Variants in AKAP9 observed in about 807,000 individuals in gnomAD.
The protein encoded by AKAP9 is A-kinase anchor protein 9.
Under a neutral mutation model 488.5 loss-of-function variants are expected in AKAP9, and 311 were observed. The ratio of observed to expected loss-of-function variants is 0.64; its 90% CI spans 0.58 to 0.70. The LOEUF is 0.70. Among genes scored for constraint, AKAP9 ranks in the 30% least tolerant of loss-of-function variants. The probability of loss-of-function intolerance (pLI) is 0.00; values close to 1 mark genes in which losing one functional copy is unlikely to be tolerated. For missense variants in AKAP9, 4,215 were observed against 4,374.5 expected (o/e 0.96, Z 1.03); for synonymous variants, 1,462 against 1,483.5 (o/e 0.99, Z 0.33).
intron 14 of AKAP9, among the ~76,000 whole-genome samples, chr7:92,025,385 T>A (rs1484423895): frequency 6.6e-6 from 1 of 152,222 alleles, no homozygotes; most frequent in Non-Finnish European, 1.5e-5. Context: ...ATCATTCGTT[T>A]GCTCCCTGCA....
chr7:92,050,471 TA>T (rs1807790605), intron 21 of AKAP9, among the ~76,000 whole-genome samples: 1 of 152,122 alleles, frequency 6.6e-6, no homozygotes, highest in Non-Finnish European at 1.5e-5. Context: ...TCAAGGCTGG[TA>T]AACACAGGAG....
At chr7:92,078,956 G>A in intron 30 of AKAP9, 123 bp from the exon 31 acceptor site, 1 of 618,448 alleles carries the variant, frequency 1.6e-6, no homozygotes, top group Non-Finnish European at 2.8e-6. Context: ...TAGTATGTCT[G>A]AGAAGTAGTG....
rs769042540 is a variant in AKAP9 at position 92,083,515 on chromosome 7, G to A, written c.8506G>A (p.Ala2836Thr). The A allele has an allele frequency of 6.2e-7, 1 of 1,606,594 alleles. No homozygotes were observed. The highest frequency in any genetic ancestry group is 1.1e-5 in the South Asian group (1 of 89,642). ...EKIEKMQELH[A>T]AEILDMESRH... is the part of the protein sequence containing the mutation. ...AATTGAGAAGATGCAAGAACTACAT[G>A]CTGCTGAAATTTTGGACATGGAATC... Residue 2836 changes from alanine to threonine, a missense_variant, in exon 33 of 50, where the codon GCT becomes ACT. Ala to Thr is a moderately conservative substitution (Grantham distance 58, BLOSUM62 0). This residue lies in a region of AKAP9 where 1,476 missense variants were observed against 1,477.4 expected (regional missense o/e 1.00). Transcript: ENST00000356239.
chr7:92,024,584 A>G (rs1416136216), intron 14 of AKAP9, among the ~76,000 whole-genome samples: 1 of 152,076 alleles, frequency 6.6e-6, no homozygotes, highest in African/African-American at 2.4e-5. Context: ...GGTCAGTGAT[A>G]TATCACAAAC....
At chr7:91,965,750 G>A (rs1276255588) in intron 1 of AKAP9, among the ~76,000 whole-genome samples, 2 of 152,124 alleles carry the variant, frequency 1.3e-5, no homozygotes, top group Non-Finnish European at 2.9e-5. Flanking sequence ...AATATATCGT[G>A]GTGGTTTTGA....
Position 91,944,939 on chromosome 7 carries a change from C to T in AKAP9, c.48+3792C>T, listed in dbSNP as rs541959380. ...GCTTATTCTTTCCTTGCTGTTAGTT[C>T]GTATTGCTATGGGCATGCTCTTACT... On this transcript the variant is annotated intron_variant, in intron 1 of 49. Transcript: ENST00000356239. Among the ~76,000 whole-genome samples the T allele has an allele frequency of 4.6e-5, 7 of 152,252 alleles. No homozygotes were observed. The East Asian group carries it at 9.6e-4, about 21-fold the overall frequency.
Position 92,066,364 on chromosome 7 carries a change from GAAAT to G in AKAP9, c.6211-60_6211-57del, listed in dbSNP as rs931569799. ...TAACATATCTCTAAAGGAGAAGTAA[GAAAT>G]AATAGCTTCTCTAAATACTGTTTCT... On this transcript the variant is annotated intron_variant, in intron 25 of 49. Transcript: ENST00000356239. 1.9e-6 allele frequency: 3 copies of G among 1,588,466 alleles called. No individual in the cohort carries two copies. In the African/African-American group the frequency reaches 4.0e-5, roughly 21 times the overall value.
At chr7:91,958,782 C>T (rs1470317632) in intron 1 of AKAP9, among the ~76,000 whole-genome samples, 1 of 152,082 alleles carries the variant, frequency 6.6e-6, no homozygotes, top group East Asian at 1.9e-4. Context: ...TAAAACGTTA[C>T]TTAAATCTTA....
At chr7:92,081,493 A>ATT (rs202196637) in intron 31 of AKAP9, among the ~76,000 whole-genome samples, 31,939 of 119,580 alleles carry the variant, frequency 0.27, 4,518 homozygotes, top group Non-Finnish European at 0.31. Flanking sequence ...ATATATATAT[A>ATT]TATATTTTTT....
rs147659676 is a variant in AKAP9, at chr7:91,997,434, G to A, written c.930+1634G>A. Among the ~76,000 whole-genome samples, 3 of 152,272 alleles carry A rather than the reference G, an allele frequency of 2.0e-5. No individual in the cohort carries two copies. In the East Asian group the frequency reaches 5.8e-4, roughly 29 times the overall value. On this transcript the variant is annotated intron_variant, in intron 7 of 49. Transcript: ENST00000356239. ...TGGGACAACTTTTTAATTGTATTTT[G>A]TTTCCCCAACAATTGGCCTAATGCC... is the stretch of plus-strand genomic sequence containing the variant.
intron 1 of AKAP9, among the ~76,000 whole-genome samples, chr7:91,971,988 T>TTTC (rs2130555950): frequency 1.4e-5 from 2 of 144,300 alleles, no homozygotes; most frequent in South Asian, 4.4e-4. Flanking sequence ...CTCTCTTTTT[T>TTTC]TTTTTTTTTT....
chr7:91,985,442 C>T (rs1250841085), intron 3 of AKAP9, among the ~76,000 whole-genome samples: 3 of 151,792 alleles, frequency 2.0e-5, no homozygotes, highest in African/African-American at 4.8e-5. Context: ...TTTGAACCAG[C>T]CTTGCAGCCT....
Position 92,003,209 on chromosome 7 carries a change from G to T in AKAP9, c.3292G>T (p.Glu1098Ter). ...AAGTGAAAATGATAAACTTCAGAAA[G>T]AACTCAATGTACTTAAATCAGAACA... ...QPSENDKLQKELNVLKSEQND... is the reference protein window; with the variant it reads ...QPSENDKLQK The change falls in exon 8 of 50, where the codon GAA (glutamate) becomes TAA (stop). Residue 1098 changes from glutamate (E) to a stop codon, truncating the protein, a stop_gained. Coordinates refer to ENST00000356239, the MANE Select transcript of AKAP9 (RefSeq NM_005751.5). LOFTEE classifies it high-confidence loss of function. 1 of 1,606,298 alleles carries T rather than the reference G, an allele frequency of 6.2e-7. No individual in the cohort carries two copies. The highest frequency in any genetic ancestry group is 1.1e-5 in the South Asian group (1 of 90,426).
chr7:92,095,076 C>T lies in AKAP9; in HGVS notation c.9632C>T (p.Ala3211Val), dbSNP rs1816331705. Residue 3211 changes from alanine to valine, a missense_variant, in exon 40 of 50, where the codon GCA (alanine) becomes GTA (valine). By Grantham distance (64) the Ala-to-Val change is moderately conservative. Transcript: ENST00000356239. ...DEVHLLNDTL[A>V]SEQKKSRELQ... Reference sequence around the variant, plus strand: ...GTACATTTGCTTAATGACACATTAGCAAGTGAACAGAAAAAATCAAGAGAG... The same window carrying T: ...GTACATTTGCTTAATGACACATTAGTAAGTGAACAGAAAAAATCAAGAGAG... The T allele has an allele frequency of 2.5e-6, 4 of 1,614,004 alleles. No individual in the cohort carries two copies. The highest frequency in any genetic ancestry group is 3.4e-6 in the Non-Finnish European group (4 of 1,179,940).
Position 92,038,569 on chromosome 7 carries a change from C to T in AKAP9, c.4489C>T (p.Gln1497Ter). 1 of 1,613,758 alleles carries T rather than the reference C, an allele frequency of 6.2e-7. No homozygotes were observed. The highest frequency in any genetic ancestry group is 8.5e-7 in the Non-Finnish European group (1 of 1,179,868). ...YFNEMKLSQD[Q>*]IGFQTFETVD... is the part of the protein sequence containing the mutation. The stretch of plus-strand genomic sequence containing the variant: ...TAATGAAATGAAATTATCACAGGAT[C>T]AAATTGGTTTTCAGACTTTTGAGAC... The change falls in exon 17 of 50, where the codon CAA becomes TAA. Residue 1497 changes from glutamine to a stop codon, truncating the protein, a stop_gained. Transcript: ENST00000356239. LOFTEE classifies it high-confidence loss of function.
intron 26 of AKAP9, among the ~76,000 whole-genome samples, chr7:92,068,399 T>C (rs145620039): frequency 6.7e-6 from 1 of 149,866 alleles, no homozygotes; most frequent in Non-Finnish European, 1.5e-5. Flanking sequence ...AAAAAAGTTA[T>C]CCACAGTTTC....
rs888004388 is a variant in AKAP9, at chr7:92,103,342, A to T, written c.11330+516A>T. On this transcript the variant is annotated intron_variant, in intron 46 of 49. Coordinates refer to ENST00000356239, the MANE Select transcript of AKAP9 (RefSeq NM_005751.5). The stretch of plus-strand genomic sequence containing the variant: ...GCGGCGGAGGTTGCGGTGAGCCGAG[A>T]TCGGCGCCACTACACTCCAGCCATG... Among the ~76,000 whole-genome samples the T allele has an allele frequency of 2.9e-5, 4 of 139,356 alleles. No homozygotes were observed. The East Asian group carries it at 7.1e-4, about 25-fold the overall frequency. 91.4% of individuals were successfully genotyped at this position (139,356 alleles called of 152,430 possible).
intron 22 of AKAP9, among the ~76,000 whole-genome samples, chr7:92,056,337 GGAAA>G (rs1268879543): frequency 1.3e-5 from 2 of 151,868 alleles, no homozygotes; most frequent in African/African-American, 2.4e-5. Flanking sequence ...GAGGGAGCAG[GGAAA>G]GAGTGTTTTA....
rs746197791 is a variant in AKAP9, at chr7:92,086,358, T to C, written c.9155T>C (p.Leu3052Pro). The C allele has an allele frequency of 2.5e-6, 4 of 1,613,976 alleles. No individual in the cohort carries two copies. Among genetic ancestry groups the C allele is most frequent in the Non-Finnish European group, 3.4e-6 (4 of 1,179,922 alleles). ...LAAFRTELTALGTTDAVGLLN... is the reference protein window; with the variant it reads ...LAAFRTELTAPGTTDAVGLLN... Reference sequence around the variant, plus strand: ...GCATTTCGGACGGAGCTGACAGCTCTAGGTACTACAGATGCAGTTGGTTTA... The same window carrying C: ...GCATTTCGGACGGAGCTGACAGCTCCAGGTACTACAGATGCAGTTGGTTTA... The change falls in exon 37 of 50, where the codon CTA becomes CCA. Residue 3052 changes from leucine to proline, a missense_variant. Around this residue, in one of 5 missense-constraint regions of AKAP9, gnomAD observed 1,476 missense variants for 1,477.4 expected, o/e 1.00. Coordinates refer to ENST00000356239, the MANE Select transcript of AKAP9 (RefSeq NM_005751.5).
Sources: gnomAD v4.1 joint callset for allele counts (sites outside exome capture counted in the v4.1 genomes callset) on GRCh38, gnomAD v4.1.1 for gene constraint, gnomAD v4.1.1 regional missense constraint, MANE v1.5 for transcripts, NCBI Gene and HGNC (gene_info 2026-07-23, HGNC 2026-07-21) for gene names.